CDK13: variants seen among roughly 807,000 people sequenced by gnomAD.
CDK13 encodes the protein cyclin-dependent kinase 13.
Under a neutral mutation model 137.6 loss-of-function variants are expected in CDK13, and 40 were observed. The observed-to-expected ratio is 0.29, with a 90% confidence interval of 0.23 to 0.38. CDK13 has a LOEUF of 0.38. CDK13 is among the 10% of genes least tolerant of loss of function. CDK13 has a pLI of 1.00. For missense variants in CDK13, 1,704 were observed against 1,951.8 expected, an observed-to-expected ratio of 0.87 and a Z score of 2.39; for synonymous variants, 869 against 760.1, an observed-to-expected ratio of 1.14 and a Z score of -2.36.
At chr7:40,093,938 A>T (rs1786984173) in intron 13 of CDK13, among the ~76,000 whole-genome samples, 192 bp from the exon 14 acceptor site, 2 of 151,044 alleles carry the variant, frequency 1.3e-5, no homozygotes, top group South Asian at 2.1e-4. Flanking sequence ...TTTTTTTTTA[A>T]AGAGAAGCCA....
At chr7:39,992,322 G>T (rs1252615306) in intron 2 of CDK13, among the ~76,000 whole-genome samples, 2 of 151,876 alleles carry the variant, frequency 1.3e-5, no homozygotes, top group Non-Finnish European at 2.9e-5. Context: ...CTCAGCTTCC[G>T]GAGTAGCTGG....
At position 39,955,823 on chromosome 7, in the gene CDK13, A is replaced by G. The variant is rs542072185; in HGVS notation, c.1211+3971A>G. Among the ~76,000 whole-genome samples, 20 of 152,200 alleles carry G rather than the reference A, an allele frequency of 1.3e-4. No homozygotes were observed. The South Asian group carries it at 4.2e-3, about 32-fold the overall frequency. On this transcript the variant is annotated intron_variant, in intron 1 of 13. Coordinates refer to ENST00000181839, the MANE Select transcript of CDK13 (RefSeq NM_003718.5). ...GTGGTGGTTTTCCAGAATTATTTTG[A>G]TCTGAAGTTACTGATGTCAGATTAA...
chr7:40,036,421 A>G (rs912842663), intron 5 of CDK13, among the ~76,000 whole-genome samples: 1 of 152,090 alleles, frequency 6.6e-6, no homozygotes. Flanking sequence ...AAAGTACAAC[A>G]ATTAGCCAGG....
rs540028605 is a variant in CDK13, at chr7:39,965,160, T to C, written c.1211+13308T>C. On this transcript the variant is annotated intron_variant, in intron 1 of 13. Transcript: ENST00000181839. ...TAGGTTAGCTTGGTGCAGAGCTGAGTTCAATTCCTGGATATCCTTGTTAAC... is the reference window on the plus strand; with the variant it reads ...TAGGTTAGCTTGGTGCAGAGCTGAGCTCAATTCCTGGATATCCTTGTTAAC... Among the ~76,000 whole-genome samples the C allele has an allele frequency of 1.3e-4, 20 of 152,306 alleles. No homozygotes were observed. In the South Asian group the frequency reaches 4.1e-3, roughly 32 times the overall value.
At chr7:39,984,801 C>T (rs773381) in intron 1 of CDK13, 68,135 of 151,860 alleles carry the variant, frequency 0.45, 17,439 homozygotes, top group East Asian at 0.63. Context: ...TGGTGAAACC[C>T]TGTCTCTACT....
intron 5 of CDK13, among the ~76,000 whole-genome samples, chr7:40,029,285 G>A (rs1033772260): frequency 2.0e-5 from 3 of 151,882 alleles, no homozygotes; most frequent in East Asian, 1.9e-4. Context: ...AAAATCATTC[G>A]ATCGTGGTGA....
chr7:39,951,542 C>A lies in CDK13; in HGVS notation c.901C>A (p.Arg301=), dbSNP rs762184046. 2.0e-6 allele frequency: 3 copies of A among 1,537,120 alleles called. No homozygotes were observed. Among genetic ancestry groups the A allele is most frequent in the South Asian group, 2.4e-5 (2 of 82,580 alleles). ...CTACAAGGAACCGCCCAAGGCCTAC[C>A]GGGAGGACAAGACCGAGCCTAAGGC... ...SAYKEPPKAY[R]EDKTEPKAYR... is the part of the protein sequence containing the mutation. Residue 301 remains arginine, a synonymous_variant, in exon 1 of 14, where the codon CGG becomes AGG. Transcript: ENST00000181839.
chr7:40,027,262 G>A (rs886963865), intron 5 of CDK13, among the ~76,000 whole-genome samples: 1 of 152,128 alleles, frequency 6.6e-6, no homozygotes, highest in African/African-American at 2.4e-5. Flanking sequence ...GGAGAGTCTC[G>A]AGCCCAGCAG....
rs58010602 is a variant in CDK13, at chr7:40,024,645, G to GTTTTT, written c.2354-21162_2354-21158dup. On this transcript the variant is annotated intron_variant, in intron 5 of 13. Transcript: ENST00000181839. ...TCTTCCAAGATATCTGTAGCTCTGT[G>GTTTTT]TTTTTTTTTTTTTTTTTTTTTTTTT... Among the ~76,000 whole-genome samples, 106 of 50,280 alleles carry GTTTTT rather than the reference G, an allele frequency of 2.1e-3. 12 individuals are homozygous for GTTTTT. Among genetic ancestry groups the GTTTTT allele is most frequent in the African/African-American group, 8.4e-3 (100 of 11,966 alleles). The allele number at this position is 50,280 out of a possible 152,430, so 33.0% of individuals were successfully genotyped here.
chr7:40,034,268 A>T (rs1785438027), intron 5 of CDK13, among the ~76,000 whole-genome samples: 1 of 152,162 alleles, frequency 6.6e-6, no homozygotes, highest in Admixed American at 6.5e-5. Flanking sequence ...GGTTCTCTGT[A>T]TCCTGAACCT....
chr7:39,962,213 G>C (rs1050095305), intron 1 of CDK13, among the ~76,000 whole-genome samples: 27 of 152,332 alleles, frequency 1.8e-4, no homozygotes, highest in African/African-American at 4.3e-4. Flanking sequence ...ATTTGCCACA[G>C]TGACTTCCAC....
chr7:39,972,604 C>CT (rs1024387181), intron 1 of CDK13, among the ~76,000 whole-genome samples: 2 of 152,186 alleles, frequency 1.3e-5, no homozygotes, highest in Non-Finnish European at 2.9e-5. Flanking sequence ...GATTCTTTCA[C>CT]TAAAGCATAA....
At position 39,950,661 on chromosome 7, in the gene CDK13, C is replaced by A. The variant is rs1450916285; in HGVS notation, c.20C>A (p.Thr7Lys). The change falls in exon 1 of 14, where the codon ACG (threonine) becomes AAG (lysine). Residue 7 changes from threonine to lysine, a missense_variant. Thr to Lys is a moderately conservative substitution (Grantham distance 78). Coordinates refer to ENST00000181839, the MANE Select transcript of CDK13 (RefSeq NM_003718.5). ...TAGGCGATGCCGAGCAGCTCGGACA[C>A]GGCGCTGGGGGGAGGCGGGGGCCTG... MPSSSD[T>K]ALGGGGGLSW... 1.0e-5 allele frequency: 14 copies of A among 1,346,448 alleles called. No homozygotes were observed. The highest frequency in any genetic ancestry group is 1.2e-5 in the Non-Finnish European group (13 of 1,052,086). The allele number at this position is 1,346,448 out of a possible 1,614,324, so 83.4% of individuals were successfully genotyped here. A position where few individuals can be genotyped will look rare whatever the true frequency, so the allele number is the denominator to read the frequency against.
chr7:39,971,929 G>T (rs761518450), intron 1 of CDK13, among the ~76,000 whole-genome samples: 11 of 152,092 alleles, frequency 7.2e-5, no homozygotes, highest in Non-Finnish European at 1.3e-4. Flanking sequence ...GCCCCACACG[G>T]TTAGAAAAAT....
intron 7 of CDK13, among the ~76,000 whole-genome samples, chr7:40,059,804 A>AT (rs989220709): frequency 3.3e-5 from 5 of 152,320 alleles, no homozygotes; most frequent in African/African-American, 9.6e-5. Flanking sequence ...ATCAGTCTGA[A>AT]TGTTTGTTTG....
chr7:40,030,703 A>AT (rs61676370), intron 5 of CDK13, among the ~76,000 whole-genome samples: 20,828 of 148,438 alleles, frequency 0.14, 4,688 homozygotes, highest in African/African-American at 0.47. Flanking sequence ...GCTGTCACTG[A>AT]TTTTTTTTTT....
chr7:39,957,322 A>AGC (rs1421610937), intron 1 of CDK13, among the ~76,000 whole-genome samples: 1 of 152,184 alleles, frequency 6.6e-6, no homozygotes, highest in Non-Finnish European at 1.5e-5. Context: ...GTGCCCCCAC[A>AGC]GCACTTTATC....
At chr7:39,968,239 C>T (rs771038859) in intron 1 of CDK13, among the ~76,000 whole-genome samples, 65 of 152,034 alleles carry the variant, frequency 4.3e-4, no homozygotes, top group Non-Finnish European at 7.2e-4. Context: ...AATTTGATTC[C>T]ATCCCTTTGT....
chr7:40,007,321 C>T (rs1036351951), intron 5 of CDK13, among the ~76,000 whole-genome samples: 3 of 152,236 alleles, frequency 2.0e-5, no homozygotes, highest in African/African-American at 7.2e-5. Context: ...ATGTCACTCC[C>T]TGTGTACTCT....
Sources: gnomAD v4.1 joint callset for allele counts (sites outside exome capture counted in the v4.1 genomes callset) on GRCh38, gnomAD v4.1.1 for gene constraint, MANE v1.5 for transcripts, NCBI Gene and HGNC (gene_info 2026-07-23, HGNC 2026-07-21) for gene names.